Variants in ADCK1 observed in about 807,000 individuals in gnomAD.
ADCK1 encodes aarF domain-containing protein kinase 1.
A neutral mutation model predicts 52.3 loss-of-function variants in ADCK1; 41 were observed. That is an observed-to-expected ratio of 0.78 (90% CI 0.61 to 1.02). The LOEUF (loss-of-function observed/expected upper bound fraction) is 1.02, where lower values mean the gene tolerates loss of function less well. Among genes scored for constraint, ADCK1 ranks in the 50% least tolerant of loss-of-function variants. ADCK1 has a pLI of 0.00. For synonymous variants in ADCK1, 250 were observed against 274.6 expected (o/e 0.91, Z 0.89); for missense variants, 658 against 679.5 (o/e 0.97, Z 0.35).
chr14:77,817,909 G>GTT lies in ADCK1; in HGVS notation c.-11-1050_-11-1049dup, dbSNP rs554171358. Among the ~76,000 whole-genome samples the GTT allele has an allele frequency of 6.6e-3, 980 of 148,506 alleles. 5 individuals carry two copies. Among genetic ancestry groups the GTT allele is most frequent in the African/African-American group, 0.012 (480 of 40,568 alleles). ...CGCCACCACGCCTGGCTAATTTTTT[G>GTT]TTTTTTTTTTAGTAGAGACGGGGTT... On this transcript the variant is annotated intron_variant, in intron 1 of 10. Coordinates refer to ENST00000238561, the MANE Select transcript of ADCK1 (RefSeq NM_020421.4).
At chr14:77,806,922 C>T (rs1057211640) in intron 1 of ADCK1, among the ~76,000 whole-genome samples, 2 of 151,994 alleles carry the variant, frequency 1.3e-5, no homozygotes, top group African/African-American at 4.8e-5. Flanking sequence ...ACCATGTTGC[C>T]TGAGCTGGTC....
intron 5 of ADCK1, among the ~76,000 whole-genome samples, chr14:77,888,379 T>C (rs2083207945): frequency 6.6e-6 from 1 of 152,146 alleles, no homozygotes; most frequent in South Asian, 2.1e-4. Flanking sequence ...GTATGTATGG[T>C]CAACACTCAC....
intron 6 of ADCK1, among the ~76,000 whole-genome samples, chr14:77,900,996 A>ACTGGGTCAG (rs1484837112): frequency 2.0e-5 from 3 of 151,528 alleles, no homozygotes; most frequent in African/African-American, 4.9e-5. Context: ...CCCATGGCCT[A>ACTGGGTCAG]CTGGGTCAGG....
At chr14:77,861,597 T>TGTC (rs1233094974) in intron 4 of ADCK1, among the ~76,000 whole-genome samples, 6 of 147,714 alleles carry the variant, frequency 4.1e-5, no homozygotes, top group African/African-American at 1.6e-4. Context: ...TAAAAGAGGC[T>TGTC]GTCAGTTATG....
chr14:77,917,540 A>G (rs2083953058), intron 7 of ADCK1, among the ~76,000 whole-genome samples: 1 of 152,234 alleles, frequency 6.6e-6, no homozygotes, highest in Non-Finnish European at 1.5e-5. Flanking sequence ...AAGTCCAAAA[A>G]TAACTCATTG....
chr14:77,811,330 C>T (rs1490917151), intron 1 of ADCK1, among the ~76,000 whole-genome samples: 1 of 152,002 alleles, frequency 6.6e-6, no homozygotes, highest in Non-Finnish European at 1.5e-5. Context: ...ATCTCATTTC[C>T]CACCACTCCA....
chr14:77,846,798 T>A (rs1298975664), intron 3 of ADCK1, among the ~76,000 whole-genome samples: 1 of 152,120 alleles, frequency 6.6e-6, no homozygotes, highest in Non-Finnish European at 1.5e-5. Context: ...AACCTGGCCA[T>A]GTCTAGGGTT....
intron 3 of ADCK1, among the ~76,000 whole-genome samples, chr14:77,855,941 G>T (rs2082407801): frequency 1.3e-5 from 2 of 152,100 alleles, no homozygotes; most frequent in Admixed American, 6.5e-5. Flanking sequence ...AGTGGCTCAT[G>T]CCTGTAATCC....
intron 1 of ADCK1, among the ~76,000 whole-genome samples, chr14:77,806,172 C>T (rs1375686672): frequency 6.6e-6 from 1 of 151,576 alleles, no homozygotes; most frequent in Non-Finnish European, 1.5e-5. Flanking sequence ...GCGGTCTTCC[C>T]ACCTCAGCCT....
chr14:77,873,670 G>A (rs1222628391), intron 4 of ADCK1, among the ~76,000 whole-genome samples: 2 of 152,180 alleles, frequency 1.3e-5, no homozygotes, highest in Non-Finnish European at 2.9e-5. Context: ...GTGATAGTGA[G>A]TTAGTTCTCA....
chr14:77,920,972 C>T (rs985744502), intron 7 of ADCK1, among the ~76,000 whole-genome samples: 8 of 151,792 alleles, frequency 5.3e-5, no homozygotes, highest in South Asian at 2.1e-4. Flanking sequence ...TTATATGAGC[C>T]GTGCTTTAAA....
rs35370816 is a variant in ADCK1 at position 77,829,295 on chromosome 14, A to ATT, written c.219+6790_219+6791dup. Among the ~76,000 whole-genome samples the ATT allele has an allele frequency of 7.7e-3, 1,117 of 145,546 alleles. 34 individuals are homozygous for ATT. The highest frequency in any genetic ancestry group is 8.6e-3 in the Non-Finnish European group (566 of 65,878). ...TCTGTCTTTCTACTAAAAAACTAAG[A>ATT]TTTTTTTTTTTTTTGAGACATGGTC... On this transcript the variant is annotated intron_variant, in intron 3 of 10. Coordinates refer to ENST00000238561, the MANE Select transcript of ADCK1 (RefSeq NM_020421.4).
intron 4 of ADCK1, among the ~76,000 whole-genome samples, chr14:77,881,681 C>A (rs943785254): frequency 6.6e-6 from 1 of 152,088 alleles, no homozygotes; most frequent in African/African-American, 2.4e-5. Flanking sequence ...ATTGTAAAGA[C>A]AGAATCTTGC....
At chr14:77,815,895 G>A (rs191237095) in intron 1 of ADCK1, among the ~76,000 whole-genome samples, 68 of 145,676 alleles carry the variant, frequency 4.7e-4, no homozygotes, top group Middle Eastern at 4.0e-3. Flanking sequence ...AGCTCACTGC[G>A]ACCTCCACCT....
intron 5 of ADCK1, among the ~76,000 whole-genome samples, chr14:77,894,741 T>G (rs1363949584): frequency 1.1e-5 from 1 of 90,412 alleles, no homozygotes; most frequent in African/African-American, 5.2e-5. Flanking sequence ...TTCTTGTTTT[T>G]TTTTTTTTTT....
intron 7 of ADCK1, among the ~76,000 whole-genome samples, chr14:77,920,241 GA>G (rs146652718): frequency 1.8e-3 from 273 of 152,258 alleles, no homozygotes; most frequent in African/African-American, 6.2e-3. Context: ...TCAGGTCTTA[GA>G]TTTAAGTCTT....
At chr14:77,842,448 TTTCCTTCCTTCCTTCCTTCCTTCC>T (rs746756710) in intron 3 of ADCK1, among the ~76,000 whole-genome samples, 9 of 92,282 alleles carry the variant, frequency 9.8e-5, no homozygotes, top group African/African-American at 1.5e-4. Context: ...GGTATTTTTT[TTTCCTTCCTTCCTTCCTTCCTTCC>T]TTCCTTCCTT....
At chr14:77,916,410 A>C (rs2083925763) in intron 7 of ADCK1, among the ~76,000 whole-genome samples, 1 of 152,082 alleles carries the variant, frequency 6.6e-6, no homozygotes, top group Non-Finnish European at 1.5e-5. Flanking sequence ...CCAAAATTAG[A>C]GTAACTTCCC....
At chr14:77,884,122 A>G (rs932712095) in intron 4 of ADCK1, among the ~76,000 whole-genome samples, 88 of 152,146 alleles carry the variant, frequency 5.8e-4, no homozygotes, top group Non-Finnish European at 9.4e-4. Flanking sequence ...TGGCTTGGAG[A>G]CTGGTTGTCC....
Sources: allele counts gnomAD v4.1 joint callset (sites outside exome capture counted in the v4.1 genomes callset), GRCh38; gene constraint gnomAD v4.1.1; transcripts MANE v1.5; gene names NCBI Gene and HGNC (gene_info 2026-07-23, HGNC 2026-07-21).